Variants in RNF213 observed in about 807,000 individuals in gnomAD.
The protein encoded by RNF213 is ring finger protein 213, also known as E3 ubiquitin-protein ligase RNF213.
A neutral mutation model predicts 514.4 loss-of-function variants in RNF213; 341 were observed. The ratio of observed to expected loss-of-function variants is 0.66; its 90% CI spans 0.61 to 0.73. The LOEUF (loss-of-function observed/expected upper bound fraction) is 0.73, where lower values mean the gene tolerates loss of function less well. Ranked by LOEUF, RNF213 falls within the 30% of genes least tolerant of loss-of-function variation. The probability of loss-of-function intolerance (pLI) is 0.00; values close to 1 mark genes in which losing one functional copy is unlikely to be tolerated. For synonymous variants in RNF213, 2,655 were observed against 2,658.2 expected (o/e 1.00, Z 0.04); for missense variants, 5,767 against 6,615.6 (o/e 0.87, Z 4.45).
At chr17:80,280,937 C>T (rs2044234689) in intron 3 of RNF213, among the ~76,000 whole-genome samples, 1 of 152,004 alleles carries the variant, frequency 6.6e-6, no homozygotes. Context: ...GAGATGTGAG[C>T]TGGAGTTAGG....
intron 13 of RNF213, among the ~76,000 whole-genome samples, chr17:80,307,542 GGTTTGTTT>G (rs34105320): frequency 9.6e-5 from 14 of 146,028 alleles, no homozygotes; most frequent in Admixed American, 6.9e-4. Flanking sequence ...TTTGTGTGTT[GGTTTGTTT>G]GTTTGTTTGT....
chr17:80,272,644 A>C (rs2043863540), intron 2 of RNF213, among the ~76,000 whole-genome samples: 1 of 152,192 alleles, frequency 6.6e-6, no homozygotes, highest in Non-Finnish European at 1.5e-5. Flanking sequence ...CTGGGGATCA[A>C]CATGAGTTTT....
intron 3 of RNF213, among the ~76,000 whole-genome samples, chr17:80,282,008 C>T (rs1041370904): frequency 6.6e-6 from 1 of 152,046 alleles, no homozygotes; most frequent in Non-Finnish European, 1.5e-5. Flanking sequence ...AGGCGCCTGC[C>T]ACCACACCTG....
intron 49 of RNF213, 68 bp downstream of exon 49, chr17:80,373,233 A>ACCCCCCTACCCTCACC (rs2079590904): frequency 8.2e-7 from 1 of 1,222,582 alleles, no homozygotes; most frequent in Non-Finnish European, 1.1e-6. Flanking sequence ...AAACCCACAC[A>ACCCCCCTACCCTCACC]CCCCCCTACC....
At chr17:80,390,348 TG>T (rs1365160171) in intron 67 of RNF213, 152 bp downstream of exon 67, 5 of 860,752 alleles carry the variant, frequency 5.8e-6, no homozygotes, top group Non-Finnish European at 9.1e-6. Flanking sequence ...ACTGGCTTTT[TG>T]GTTTTAATCT....
chr17:80,362,527 A>G (rs1229825323), intron 39 of RNF213, among the ~76,000 whole-genome samples: 2 of 152,234 alleles, frequency 1.3e-5, no homozygotes, highest in Non-Finnish European at 2.9e-5. Context: ...TTACGTATTC[A>G]TTTTGCAAAG....
chr17:80,281,426 CACA>C (rs2044273189), intron 3 of RNF213, among the ~76,000 whole-genome samples: 1 of 134,556 alleles, frequency 7.4e-6, no homozygotes. Context: ...ACACCCCATT[CACA>C]CCACTCACAC....
At chr17:80,374,762 C>A in intron 50 of RNF213, 173 bp downstream of exon 50, 2 of 706,826 alleles carry the variant, frequency 2.8e-6, no homozygotes, top group South Asian at 1.6e-5. Context: ...GGCTAGTGTG[C>A]GTGAACCAGT....
chr17:80,390,703 G>A (rs999172942), intron 67 of RNF213, among the ~76,000 whole-genome samples: 1 of 76,464 alleles, frequency 1.3e-5, no homozygotes, highest in Non-Finnish European at 2.8e-5. Context: ...CAGCCTAAAA[G>A]TCATATATTC....
At chr17:80,273,006 C>T (rs951011840) in intron 2 of RNF213, among the ~76,000 whole-genome samples, 5 of 152,058 alleles carry the variant, frequency 3.3e-5, no homozygotes, top group South Asian at 2.1e-4. Context: ...GATGCTAGGA[C>T]GGCACAGTCT....
chr17:80,289,607 A>AG, intron 5 of RNF213, 52 bp from the exon 6 acceptor site: 1 of 1,581,098 alleles, frequency 6.3e-7, no homozygotes, highest in Non-Finnish European at 8.6e-7. Flanking sequence ...AAAAAAAAAA[A>AG]AGAAAATGTG....
chr17:80,354,247 G>A (rs973094194), intron 35 of RNF213, 81 bp downstream of exon 35: 41 of 1,538,090 alleles, frequency 2.7e-5, no homozygotes, highest in Non-Finnish European at 3.7e-5. Context: ...CTGTGTGTTG[G>A]GGGACACCCT....
At position 80,263,618 on chromosome 17, in the gene RNF213, A is replaced by G. The variant is rs887139483; in HGVS notation, c.-64A>G. On this transcript the variant is annotated 5_prime_UTR_variant, in exon 2 of 68. In the 5' UTR this introduces an upstream ATG that the reference lacks. Transcript: ENST00000582970. This position sits in a 1 kb window ranked among gnomAD's most constrained non-coding sequence, Gnocchi z 4.9. ...GGTCACGTGACAGGACATGTAGTAT[A>G]TAGCAGGCTGCCAGCGACTCCTGCT... The G allele has an allele frequency of 2.3e-6, 3 of 1,312,880 alleles. No individual in the cohort carries two copies. Among genetic ancestry groups the G allele is most frequent in the Middle Eastern group, 1.8e-4 (1 of 5,478 alleles). The allele number at this position is 1,312,880 out of a possible 1,614,324, so 81.3% of individuals were successfully genotyped here.
intron 8 of RNF213, among the ~76,000 whole-genome samples, chr17:80,294,307 C>G (rs1037793365): frequency 2.0e-5 from 3 of 152,210 alleles, no homozygotes; most frequent in African/African-American, 7.2e-5. Flanking sequence ...GAAACCAACT[C>G]AGTGATTGAC....
In RNF213 at chr17:80,339,938, C is replaced by T; in HGVS notation, c.5571C>T (p.Pro1857=). 1 of 1,537,026 alleles carries T rather than the reference C, an allele frequency of 6.5e-7. No individual in the cohort carries two copies. Among genetic ancestry groups the T allele is most frequent in the South Asian group, 1.2e-5 (1 of 84,058 alleles). Residue 1857 remains proline (P), a synonymous_variant, in exon 26 of 68, where the codon CCC becomes CCT. Transcript: ENST00000582970. ...VYMQTPSQPL[P]TYDEVLLCTP... is the part of the protein sequence containing the mutation. ...TGCAAACCCCAAGCCAGCCCCTGCC[C>T]ACTTACGATGAGGTGCTGCTCTGCA...
intron 56 of RNF213, 171 bp from the exon 57 acceptor site, chr17:80,381,376 A>G (rs7224239): frequency 0.4 from 291,882 of 720,810 alleles, 60,038 homozygotes; most frequent in Middle Eastern, 0.44. Context: ...AAAAGCCAGC[A>G]GCCGTTCCGC....
chr17:80,346,957 C>A lies in RNF213; in HGVS notation c.8622C>A (p.Ala2874=), dbSNP rs1461005633. ...ACGGATGCATTGAAGACGATCCCGC[C>A]CCCCACAAAAAGGTCGGCTTCGTGG... ...LEDGCIEDDP[A]PHKKVGFVGI... Residue 2874 remains alanine (A), a synonymous_variant, in exon 29 of 68, where the codon GCC becomes GCA. Coordinates refer to ENST00000582970, the MANE Select transcript of RNF213 (RefSeq NM_001256071.3). This position sits in a 1 kb window ranked among gnomAD's most constrained non-coding sequence, Gnocchi z 8.1. 4 of 1,613,904 alleles carry A rather than the reference C, an allele frequency of 2.5e-6. No homozygotes were observed. In the South Asian group the frequency reaches 3.3e-5, roughly 13 times the overall value.
chr17:80,382,595 A>C, intron 57 of RNF213: 1 of 245,840 alleles, frequency 4.1e-6, no homozygotes. Flanking sequence ...AGAATCCTGG[A>C]AGCAGGTGGA....
chr17:80,349,786 G>C lies in RNF213; in HGVS notation c.9968G>C (p.Arg3323Thr). The C allele has an allele frequency of 1.2e-6, 2 of 1,614,154 alleles. No individual in the cohort carries two copies. Among genetic ancestry groups the C allele is most frequent in the South Asian group, 1.1e-5 (1 of 91,086 alleles). The stretch of plus-strand genomic sequence containing the variant: ...ACTCTGTAGATCACCACTTTCTCCA[G>C]GCTGCTAACAAGTCACGACTGTGAA... ...AIFTEITTFSRLLTSHDCEIL... is the reference protein window; with the variant it reads ...AIFTEITTFSTLLTSHDCEIL... Residue 3323 changes from arginine to threonine, a missense_variant, in exon 30 of 68, where the codon AGG (arginine) becomes ACG (threonine). Around this residue, in one of 13 missense-constraint regions of RNF213, gnomAD observed 919 missense variants for 1,121.0 expected, o/e 0.82. Coordinates refer to ENST00000582970, the MANE Select transcript of RNF213 (RefSeq NM_001256071.3).
Sources: allele counts gnomAD v4.1 joint callset (sites outside exome capture counted in the v4.1 genomes callset), GRCh38; gene constraint gnomAD v4.1.1; regional missense constraint gnomAD v4.1.1; non-coding constraint Gnocchi (gnomAD v3.1); transcripts MANE v1.5; gene names NCBI Gene and HGNC (gene_info 2026-07-23, HGNC 2026-07-21).